NBPF19: variants seen among roughly 807,000 people sequenced by gnomAD.
NBPF19 encodes the protein NBPF member 19, also known as NBPF family member NBPF19.
A neutral mutation model predicts 45.9 loss-of-function variants in NBPF19; 30 were observed. That is an observed-to-expected ratio of 0.65 (90% CI 0.49 to 0.89). NBPF19 has a LOEUF of 0.89. Ranked by LOEUF, NBPF19 falls within the 40% of genes least tolerant of loss-of-function variation. The probability of loss-of-function intolerance (pLI) is 0.00; values close to 1 mark genes in which losing one functional copy is unlikely to be tolerated. For missense variants in NBPF19, 495 were observed against 471.8 expected (o/e 1.05, Z -0.46); for synonymous variants, 183 against 181.2 (o/e 1.01, Z -0.08).
In NBPF19 at chr1:149,477,994, A is replaced by G. The variant is rs1353670734; in HGVS notation, c.225A>G (p.Arg75=). Residue 75 remains arginine, a synonymous_variant, in exon 3 of 94, where the codon CGA becomes CGG. Transcript: ENST00000651566. The part of the protein sequence containing the change: ...DLIKFMLRNE[R]QFKEEKLAEQ... ...TAAAATTTATGCTGAGGAATGAGCG[A>G]CAGTTCAAGGAGGAGAAGCTTGCAG... 19 of 1,501,502 alleles carry G rather than the reference A, an allele frequency of 1.3e-5. No individual in the cohort carries two copies. The highest frequency in any genetic ancestry group is 1.7e-5 in the Non-Finnish European group (19 of 1,085,770). The allele number at this position is 1,501,502 out of a possible 1,614,324, so 93.0% of individuals were successfully genotyped here. A position where few individuals can be genotyped will look rare whatever the true frequency, so the allele number is the denominator to read the frequency against.
chr1:149,556,329 CTGATGTGAAT>C lies in NBPF19; in HGVS notation c.*1593_*1602del, dbSNP rs2087248199. The C allele has an allele frequency of 6.7e-6, 1 of 149,788 alleles. No homozygotes were observed. Among genetic ancestry groups the C allele is most frequent in the Non-Finnish European group, 1.5e-5 (1 of 67,178 alleles). 9.3% of individuals were successfully genotyped at this position (149,788 alleles called of 1,614,324 possible). On this transcript the variant is annotated 3_prime_UTR_variant, in exon 94 of 94. Coordinates refer to ENST00000651566, the MANE Select transcript of NBPF19 (RefSeq NM_001351365.2). ...TTATGCTGATTGGTTTTGGTGGGTA[CTGATGTGAAT>C]TAATAAAAACATTTCATTTCCATGT...
At chr1:149,554,312 A>G (rs2087157297) in intron 93 of NBPF19, among the ~76,000 whole-genome samples, 183 bp from the exon 94 acceptor site, 1 of 151,602 alleles carries the variant, frequency 6.6e-6, no homozygotes, top group Admixed American at 6.6e-5. Flanking sequence ...TTTCTCTTTC[A>G]TTGTTTTCTA....
intron 19 of NBPF19, among the ~76,000 whole-genome samples, chr1:149,495,653 C>CTG (rs1287363885): frequency 5.7e-5 from 3 of 52,668 alleles, no homozygotes; most frequent in East Asian, 4.9e-4. Flanking sequence ...CTCTCTCTCT[C>CTG]TCTGTGTGTG....
Position 149,487,124 on chromosome 1 carries a change from A to G in NBPF19, c.989-208A>G, listed in dbSNP as rs1354507106. On this transcript the variant is annotated intron_variant, in intron 8 of 93. Transcript: ENST00000651566. ...GAGCACATAGGGAAGATAACATTCC[A>G]ACACAGGGGAATTTTGCCCAAGGCT... Among the ~76,000 whole-genome samples, 69 of 150,296 alleles carry G rather than the reference A, an allele frequency of 4.6e-4. 2 individuals carry two copies. Among genetic ancestry groups the G allele is most frequent in the Non-Finnish European group, 6.6e-4 (44 of 67,110 alleles).
chr1:149,554,468 C>T (rs1259593947), intron 93 of NBPF19, 27 bp from the exon 94 acceptor site: 11 of 1,607,864 alleles, frequency 6.8e-6, no homozygotes, highest in Admixed American at 1.7e-5. Flanking sequence ...TCCCTGGCTG[C>T]TTCTTTAGTT....
At chr1:149,483,570 G>T (rs1211303939) in intron 7 of NBPF19, among the ~76,000 whole-genome samples, 1 of 149,936 alleles carries the variant, frequency 6.7e-6, no homozygotes, top group Non-Finnish European at 1.5e-5. Flanking sequence ...TGATCCTGTC[G>T]TTATGATGTT....
intron 2 of NBPF19, among the ~76,000 whole-genome samples, chr1:149,477,627 C>A (rs1196696286): frequency 6.6e-6 from 1 of 151,368 alleles, no homozygotes; most frequent in South Asian, 2.1e-4. Flanking sequence ...GGAGAGGCTG[C>A]AAGACTTGGG....
At chr1:149,486,561 G>A (rs1337847749) in intron 8 of NBPF19, among the ~76,000 whole-genome samples, 6 of 151,386 alleles carry the variant, frequency 4.0e-5, no homozygotes, top group Admixed American at 6.6e-5. Flanking sequence ...GGCAGGTGTG[G>A]CAAACTCACA....
At chr1:149,487,906 T>C in intron 9 of NBPF19, 107 bp from the exon 10 acceptor site, 1 of 744,992 alleles carries the variant, frequency 1.3e-6, no homozygotes, top group South Asian at 1.4e-5. Context: ...AATGGATCTC[T>C]CCTTTTTCTT....
chr1:149,490,749 G>A (rs2085810245), intron 13 of NBPF19, among the ~76,000 whole-genome samples: 2 of 55,164 alleles, frequency 3.6e-5, no homozygotes, highest in African/African-American at 8.5e-5. Context: ...ATGGAAACTT[G>A]AGCACATTTT....
At position 149,488,194 on chromosome 1, in the gene NBPF19, C is replaced by A. The variant is rs1282777786; in HGVS notation, c.1213+9C>A. On this transcript the variant is annotated intron_variant, in intron 10 of 93. Transcript: ENST00000651566. ...GGCTATTGACATGGATGGTGAGTAC[C>A]TTTCTATGAAGGTGATAAGGATCCA... 8 of 627,078 alleles carry A rather than the reference C, an allele frequency of 1.3e-5. No individual in the cohort carries two copies. Among genetic ancestry groups the A allele is most frequent in the African/African-American group, 8.0e-5 (4 of 49,704 alleles). 38.8% of individuals were successfully genotyped at this position (627,078 alleles called of 1,614,324 possible). A position where few individuals can be genotyped will look rare whatever the true frequency, so the allele number is the denominator to read the frequency against.
chr1:149,484,986 C>T lies in NBPF19; in HGVS notation c.825-1144C>T, dbSNP rs1458230757. Among the ~76,000 whole-genome samples the T allele has an allele frequency of 3.2e-4, 40 of 125,160 alleles. 1 individual carries two copies. Among genetic ancestry groups the T allele is most frequent in the East Asian group, 2.3e-3 (10 of 4,316 alleles). 82.1% of individuals were successfully genotyped at this position (125,160 alleles called of 152,430 possible). A position where few individuals can be genotyped will look rare whatever the true frequency, so the allele number is the denominator to read the frequency against. ...TCTTTTTTCTCTAAACTTCTCTTCT[C>T]GCTTCATTTCACTAATTTGATCTTG... On this transcript the variant is annotated intron_variant, in intron 7 of 93. Coordinates refer to ENST00000651566, the MANE Select transcript of NBPF19 (RefSeq NM_001351365.2).
chr1:149,497,294 G>C (rs1419569029), intron 21 of NBPF19, among the ~76,000 whole-genome samples: 1 of 22,830 alleles, frequency 4.4e-5, no homozygotes, highest in Non-Finnish European at 6.7e-5. Flanking sequence ...CTCTGTCTCT[G>C]TCTCTCTCTC....
intron 9 of NBPF19, among the ~76,000 whole-genome samples, chr1:149,487,628 G>A (rs1472675062): frequency 6.0e-5 from 9 of 150,598 alleles, no homozygotes; most frequent in Admixed American, 2.0e-4. Flanking sequence ...CATGGTAACT[G>A]CAGGGAAACT....
At position 149,477,993 on chromosome 1, in the gene NBPF19, G is replaced by T. The variant is rs1345945320; in HGVS notation, c.224G>T (p.Arg75Leu). The T allele has an allele frequency of 1.0e-5, 15 of 1,498,792 alleles. 1 individual carries two copies. The highest frequency in any genetic ancestry group is 1.4e-5 in the African/African-American group (1 of 72,892). The allele number at this position is 1,498,792 out of a possible 1,614,324, so 92.8% of individuals were successfully genotyped here. The change falls in exon 3 of 94, where the codon CGA (arginine) becomes CTA (leucine). Residue 75 changes from arginine (R) to leucine (L), a missense_variant. By Grantham distance (102) the Arg-to-Leu change is moderately radical. Transcript: ENST00000651566. Reference sequence around the variant, plus strand: ...ATAAAATTTATGCTGAGGAATGAGCGACAGTTCAAGGAGGAGAAGCTTGCA... The same window carrying T: ...ATAAAATTTATGCTGAGGAATGAGCTACAGTTCAAGGAGGAGAAGCTTGCA... ...DLIKFMLRNERQFKEEKLAEQ... is the reference protein window; with the variant it reads ...DLIKFMLRNELQFKEEKLAEQ...
intron 93 of NBPF19, 83 bp from the exon 94 acceptor site, chr1:149,554,412 C>G (rs2087177644): frequency 1.9e-6 from 3 of 1,606,840 alleles, no homozygotes; most frequent in African/African-American, 2.7e-5. Context: ...TAACCACTTC[C>G]TTATGTGACT....
Position 149,554,523 on chromosome 1 carries a change from G to T in NBPF19, c.11317G>T (p.Glu3773Ter), listed in dbSNP as rs2087195742. ...CAACAGCGTGCTGATGGAAGTGGAA[G>T]AGCCTGAAGTCTTACAGGACTCACT... The part of the protein sequence containing the change: ...RLNSVLMEVE[E>*]PEVLQDSLDG... The change falls in exon 94 of 94, where the codon GAG (glutamate) becomes TAG (stop). Residue 3773 changes from glutamate to a stop codon, truncating the protein, a stop_gained. Transcript: ENST00000651566. LOFTEE classifies it low-confidence loss of function (END_TRUNC). 2.5e-6 allele frequency: 4 copies of T among 1,608,126 alleles called. No homozygotes were observed. The highest frequency in any genetic ancestry group is 1.1e-5 in the South Asian group (1 of 90,898).
Position 149,487,704 on chromosome 1 carries a change from G to C in NBPF19, c.1041-309G>C, listed in dbSNP as rs1257133737. ...ATGATCACTGTTCACTGTGTGTCCT[G>C]AGAGCACAAATACAGAGTGTCCTTT... On this transcript the variant is annotated intron_variant, in intron 9 of 93. Coordinates refer to ENST00000651566, the MANE Select transcript of NBPF19 (RefSeq NM_001351365.2). 8.7e-5 allele frequency among the ~76,000 whole-genome samples: 13 copies of C among 149,990 alleles called. 1 individual carries two copies. Among genetic ancestry groups the C allele is most frequent in the Admixed American group, 5.3e-4 (8 of 15,014 alleles).
At chr1:149,528,928 G>A (rs2086904647) in intron 61 of NBPF19, among the ~76,000 whole-genome samples, 1 of 128,928 alleles carries the variant, frequency 7.8e-6, no homozygotes, top group Non-Finnish European at 1.6e-5. Context: ...ACAATTCACT[G>A]AGCTCGTTCT....
Sources: allele counts gnomAD v4.1 joint callset (sites outside exome capture counted in the v4.1 genomes callset), GRCh38; gene constraint gnomAD v4.1.1; transcripts MANE v1.5; gene names NCBI Gene and HGNC (gene_info 2026-07-23, HGNC 2026-07-21).